The following AGBL4 variants were observed in gnomAD, a reference collection of about 807,000 sequenced individuals.
The protein encoded by AGBL4 is AGBL carboxypeptidase 4.
In AGBL4, 58 loss-of-function variants were observed where a neutral mutation model predicts 66.4. The ratio of observed to expected loss-of-function variants is 0.87; its 90% CI spans 0.71 to 1.09. The LOEUF (loss-of-function observed/expected upper bound fraction) is 1.09, where lower values mean the gene tolerates loss of function less well. Among genes scored for constraint, AGBL4 ranks in the 50% least tolerant of loss-of-function variants. The pLI is 0.00. For missense variants in AGBL4, 579 were observed against 631.0 expected (o/e 0.92, Z 0.88); for synonymous variants, 234 against 222.9 (o/e 1.05, Z -0.44).
intron 3 of AGBL4, among the ~76,000 whole-genome samples, chr1:49,351,254 A>T (rs1643901403): frequency 6.6e-6 from 1 of 152,174 alleles, no homozygotes; most frequent in Admixed American, 6.5e-5. Flanking sequence ...CAATGACTTT[A>T]GTAACTTAGA....
At chr1:49,639,943 T>A (rs574399659) in intron 3 of AGBL4, among the ~76,000 whole-genome samples, 2 of 152,126 alleles carry the variant, frequency 1.3e-5, no homozygotes, top group Non-Finnish European at 2.9e-5. Flanking sequence ...TACTTACGTA[T>A]GAAACACAGT....
chr1:49,569,363 G>T (rs1644280597), intron 3 of AGBL4, among the ~76,000 whole-genome samples: 1 of 152,092 alleles, frequency 6.6e-6, no homozygotes, highest in Admixed American at 6.6e-5. Flanking sequence ...TTTAAAATAA[G>T]AGTGTTACTG....
intron 6 of AGBL4, among the ~76,000 whole-genome samples, chr1:48,763,789 T>C (rs997265050): frequency 2.6e-5 from 4 of 152,196 alleles, no homozygotes; most frequent in African/African-American, 9.7e-5. Flanking sequence ...TTTTTCAAAA[T>C]GCAGATGAGA....
chr1:49,065,511 T>C (rs970749706), intron 4 of AGBL4, among the ~76,000 whole-genome samples: 1 of 152,226 alleles, frequency 6.6e-6, no homozygotes, highest in African/African-American at 2.4e-5. Context: ...TGGGAATAAT[T>C]GGTGAGAAGT....
chr1:49,758,597 T>C (rs918957665), intron 2 of AGBL4, among the ~76,000 whole-genome samples: 7 of 152,202 alleles, frequency 4.6e-5, no homozygotes, highest in African/African-American at 1.7e-4. Context: ...ACTGCCCTGC[T>C]GGATTTCAGA....
intron 5 of AGBL4, among the ~76,000 whole-genome samples, chr1:48,917,796 G>C (rs533623606): frequency 3.3e-5 from 5 of 152,188 alleles, no homozygotes; most frequent in African/African-American, 1.2e-4. Flanking sequence ...AGCAAAACCT[G>C]GTTGAAACAG....
intron 6 of AGBL4, among the ~76,000 whole-genome samples, chr1:48,731,824 G>A (rs1557915512): frequency 6.6e-6 from 1 of 152,198 alleles, no homozygotes; most frequent in Non-Finnish European, 1.5e-5. Flanking sequence ...TCTATGGCAT[G>A]TTTAGAAGCT....
intron 11 of AGBL4, among the ~76,000 whole-genome samples, chr1:48,565,499 A>G (rs1343327599): frequency 6.6e-6 from 1 of 152,166 alleles, no homozygotes; most frequent in African/African-American, 2.4e-5. Flanking sequence ...TAGTCTTCAA[A>G]ACATGATCTT....
chr1:48,541,797 T>C (rs1644075823), intron 11 of AGBL4, among the ~76,000 whole-genome samples: 1 of 152,074 alleles, frequency 6.6e-6, no homozygotes, highest in Non-Finnish European at 1.5e-5. Context: ...ATAAAATAAA[T>C]AAATAATAGC....
At chr1:48,847,600 A>G (rs1043057208) in intron 6 of AGBL4, among the ~76,000 whole-genome samples, 1 of 152,158 alleles carries the variant, frequency 6.6e-6, no homozygotes, top group Non-Finnish European at 1.5e-5. Flanking sequence ...TAGCAGAGTA[A>G]AGTACTTTGA....
chr1:49,772,128 C>T (rs978976234), intron 2 of AGBL4, among the ~76,000 whole-genome samples: 1 of 151,972 alleles, frequency 6.6e-6, no homozygotes, highest in Non-Finnish European at 1.5e-5. Flanking sequence ...CATTGTTCTA[C>T]TTCTTTGTGT....
At chr1:50,007,429 T>C (rs965178472) in intron 1 of AGBL4, among the ~76,000 whole-genome samples, 29 of 152,054 alleles carry the variant, frequency 1.9e-4, no homozygotes, top group African/African-American at 6.8e-4. Context: ...AGTGGCTACA[T>C]GGATAAGAAA....
intron 6 of AGBL4, among the ~76,000 whole-genome samples, chr1:48,819,664 T>G (rs960354689): frequency 3.9e-5 from 6 of 152,184 alleles, no homozygotes; most frequent in Non-Finnish European, 5.9e-5. Context: ...AATCTTCTAG[T>G]CCAGTGTTTG....
chr1:49,580,877 G>T (rs1644529494), intron 3 of AGBL4, among the ~76,000 whole-genome samples: 1 of 152,062 alleles, frequency 6.6e-6, no homozygotes, highest in Non-Finnish European at 1.5e-5. Context: ...CCTAAAAATT[G>T]TTGTGCCTCC....
At chr1:49,129,317 T>TTTA (rs911175867) in intron 4 of AGBL4, among the ~76,000 whole-genome samples, 2 of 151,986 alleles carry the variant, frequency 1.3e-5, no homozygotes, top group Admixed American at 6.6e-5. Context: ...GTTTTTTCAT[T>TTTA]TTATTATTAT....
chr1:49,098,884 A>G (rs1452316519), intron 4 of AGBL4, among the ~76,000 whole-genome samples: 2 of 152,232 alleles, frequency 1.3e-5, no homozygotes, highest in Non-Finnish European at 2.9e-5. Flanking sequence ...GCAATATGCA[A>G]TCCAATGGTT....
chr1:49,322,688 G>C (rs187840466), intron 3 of AGBL4, among the ~76,000 whole-genome samples: 1 of 152,212 alleles, frequency 6.6e-6, no homozygotes, highest in Non-Finnish European at 1.5e-5. Context: ...CAGAGGCTGG[G>C]AGAGGCAAGG....
intron 11 of AGBL4, among the ~76,000 whole-genome samples, chr1:48,566,653 C>A (rs1282449719): frequency 6.6e-6 from 1 of 152,196 alleles, no homozygotes; most frequent in East Asian, 1.9e-4. Context: ...GACTTTGAGG[C>A]AAAGAGATTG....
intron 4 of AGBL4, among the ~76,000 whole-genome samples, chr1:49,082,100 T>C (rs1394179051): frequency 6.6e-6 from 1 of 152,164 alleles, no homozygotes; most frequent in Non-Finnish European, 1.5e-5. Context: ...AATGAAAGTA[T>C]AATGAGATGA....
Sources: allele counts gnomAD v4.1 joint callset (sites outside exome capture counted in the v4.1 genomes callset), GRCh38; gene constraint gnomAD v4.1.1; transcripts MANE v1.5; gene names NCBI Gene and HGNC (gene_info 2026-07-23, HGNC 2026-07-21).